Variants in NKAIN2 observed in about 807,000 individuals in gnomAD.
NKAIN2 encodes sodium/potassium transporting ATPase interacting 2, also known as sodium/potassium-transporting ATPase subunit beta-1-interacting protein 2.
NKAIN2 carries 14 observed loss-of-function variants against 32.6 expected under a neutral mutation model. The ratio of observed to expected loss-of-function variants is 0.43; its 90% CI spans 0.28 to 0.67. NKAIN2 has a LOEUF of 0.67. NKAIN2 is among the 30% of genes least tolerant of loss of function. The pLI is 0.17. For synonymous variants in NKAIN2, 80 were observed against 87.2 expected (o/e 0.92, Z 0.46); for missense variants, 198 against 258.3 (o/e 0.77, Z 1.60).
intron 4 of NKAIN2, among the ~76,000 whole-genome samples, chr6:124,725,969 C>T (rs1412069081): frequency 6.6e-6 from 1 of 152,230 alleles, no homozygotes; most frequent in Non-Finnish European, 1.5e-5. Context: ...AAAATTGGGT[C>T]ACTCCCACCC....
chr6:123,969,174 C>G (rs1778222908), intron 1 of NKAIN2, among the ~76,000 whole-genome samples: 1 of 152,194 alleles, frequency 6.6e-6, no homozygotes, highest in Non-Finnish European at 1.5e-5. Context: ...CAGGTTTTTG[C>G]TCACTTTCCA....
chr6:124,229,468 C>A (rs566647874), intron 1 of NKAIN2, among the ~76,000 whole-genome samples: 1 of 149,172 alleles, frequency 6.7e-6, no homozygotes, highest in South Asian at 2.1e-4. Context: ...TCACATATTT[C>A]CAAGTATTTT....
intron 1 of NKAIN2, among the ~76,000 whole-genome samples, chr6:123,922,551 A>G (rs1423114851): frequency 6.6e-6 from 1 of 152,112 alleles, no homozygotes; most frequent in African/African-American, 2.4e-5. Context: ...TAATTCTAGC[A>G]TTTCCCTGTA....
chr6:124,227,272 G>A (rs1009721600), intron 1 of NKAIN2, among the ~76,000 whole-genome samples: 2 of 152,034 alleles, frequency 1.3e-5, no homozygotes, highest in Non-Finnish European at 2.9e-5. Context: ...ATTATGGACT[G>A]ACTTTCCCTT....
At chr6:123,913,133 C>T (rs1582767360) in intron 1 of NKAIN2, among the ~76,000 whole-genome samples, 1 of 152,110 alleles carries the variant, frequency 6.6e-6, no homozygotes, top group East Asian at 1.9e-4. Context: ...TTTGAGGGAA[C>T]CTCCCATGTT....
At chr6:124,318,103 C>T (rs1797036146) in intron 2 of NKAIN2, among the ~76,000 whole-genome samples, 2 of 152,060 alleles carry the variant, frequency 1.3e-5, no homozygotes, top group South Asian at 4.2e-4. Context: ...TCTGCTAAAG[C>T]CTCATGAAAT....
At chr6:124,795,118 C>T (rs1322172819) in intron 5 of NKAIN2, among the ~76,000 whole-genome samples, 2 of 152,150 alleles carry the variant, frequency 1.3e-5, no homozygotes, top group African/African-American at 4.8e-5. Context: ...GGAGTAGGTG[C>T]TAGCTACCTG....
chr6:123,990,215 A>G (rs1445033375), intron 1 of NKAIN2, among the ~76,000 whole-genome samples: 1 of 152,148 alleles, frequency 6.6e-6, no homozygotes, highest in Non-Finnish European at 1.5e-5. Context: ...CCCACCCTCG[A>G]CACGTGGGGA....
At chr6:123,928,598 T>G (rs1434789539) in intron 1 of NKAIN2, among the ~76,000 whole-genome samples, 1 of 152,184 alleles carries the variant, frequency 6.6e-6, no homozygotes, top group African/African-American at 2.4e-5. Flanking sequence ...ACATGGTTTC[T>G]GGAATATAGT....
chr6:124,706,865 A>G (rs942158765), intron 4 of NKAIN2, among the ~76,000 whole-genome samples: 1 of 152,054 alleles, frequency 6.6e-6, no homozygotes, highest in Non-Finnish European at 1.5e-5. Flanking sequence ...TTATACTTTA[A>G]GTTTTAGGGT....
chr6:124,725,526 TC>T (rs1396028028), intron 4 of NKAIN2, among the ~76,000 whole-genome samples: 1 of 152,202 alleles, frequency 6.6e-6, no homozygotes, highest in Non-Finnish European at 1.5e-5. Context: ...TTTCCTGTCT[TC>T]CCATGAATAT....
At chr6:124,803,906 T>C (rs573035567) in intron 5 of NKAIN2, among the ~76,000 whole-genome samples, 9 of 152,196 alleles carry the variant, frequency 5.9e-5, no homozygotes, top group African/African-American at 1.2e-4. Context: ...ATCCTACTCA[T>C]AGTGTATTTT....
At chr6:124,289,347 G>A (rs1156920715) in intron 2 of NKAIN2, among the ~76,000 whole-genome samples, 3 of 152,052 alleles carry the variant, frequency 2.0e-5, no homozygotes, top group Non-Finnish European at 2.9e-5. Context: ...AGTGAGGCAA[G>A]GTCAGCTTCA....
At chr6:124,462,038 A>C (rs1451682096) in intron 3 of NKAIN2, among the ~76,000 whole-genome samples, 1 of 151,920 alleles carries the variant, frequency 6.6e-6, no homozygotes, top group Non-Finnish European at 1.5e-5. Flanking sequence ...TCTAGGACTA[A>C]CACATAATAT....
intron 3 of NKAIN2, among the ~76,000 whole-genome samples, chr6:124,598,675 T>TG (rs1554231935): frequency 3.0e-5 from 2 of 66,284 alleles, no homozygotes; most frequent in Non-Finnish European, 7.4e-5. Context: ...GTGAAGATTT[T>TG]GAAAAAAAAA....
intron 3 of NKAIN2, among the ~76,000 whole-genome samples, chr6:124,554,216 C>T (rs1044264727): frequency 7.9e-5 from 12 of 152,190 alleles, no homozygotes; most frequent in African/African-American, 2.9e-4. Context: ...AGGTACGTTT[C>T]ACAGCTAACT....
chr6:123,829,920 G>A (rs1378237277), intron 1 of NKAIN2, among the ~76,000 whole-genome samples: 2 of 152,102 alleles, frequency 1.3e-5, no homozygotes, highest in Non-Finnish European at 2.9e-5. Context: ...GCATAAGCTG[G>A]GGACATGTAT....
intron 3 of NKAIN2, among the ~76,000 whole-genome samples, chr6:124,559,977 G>A (rs1257463494): frequency 6.7e-6 from 1 of 149,692 alleles, no homozygotes; most frequent in South Asian, 2.1e-4. Flanking sequence ...CCAGCACAAC[G>A]TTAACACCCA....
intron 1 of NKAIN2, among the ~76,000 whole-genome samples, chr6:124,042,185 C>A (rs1205599746): frequency 1.3e-5 from 2 of 152,080 alleles, no homozygotes; most frequent in Non-Finnish European, 2.9e-5. Flanking sequence ...AAATGAAACT[C>A]CACCTGCCCC....
Sources: allele counts gnomAD v4.1 joint callset (sites outside exome capture counted in the v4.1 genomes callset), GRCh38; gene constraint gnomAD v4.1.1; transcripts MANE v1.5; gene names NCBI Gene and HGNC (gene_info 2026-07-23, HGNC 2026-07-21).